Variants in DPP9 observed in about 807,000 individuals in gnomAD.
The protein encoded by DPP9 is dipeptidyl peptidase 9.
Under a neutral mutation model 110.7 loss-of-function variants are expected in DPP9, and 50 were observed. That is an observed-to-expected ratio of 0.45 (90% confidence interval 0.36 to 0.57). The LOEUF is 0.57. DPP9 is among the 20% of genes least tolerant of loss of function. The probability of loss-of-function intolerance (pLI) is 0.00; values close to 1 mark genes in which losing one functional copy is unlikely to be tolerated. For synonymous variants in DPP9, 561 were observed against 514.4 expected (o/e 1.09, Z -1.23); for missense variants, 1,022 against 1,217.9 (o/e 0.84, Z 2.39).
intron 4 of DPP9, among the ~76,000 whole-genome samples, chr19:4,713,569 C>T (rs1334239857): frequency 6.6e-6 from 1 of 152,228 alleles, no homozygotes. Flanking sequence ...TCACCGGCGG[C>T]AAACCAGGTT....
intron 3 of DPP9, chr19:4,716,022 T>C (rs1170698021): frequency 1.3e-5 from 2 of 152,248 alleles, no homozygotes; most frequent in African/African-American, 2.4e-5. Flanking sequence ...CTGGTCTCGC[T>C]TCCCTTTGTG....
intron 16 of DPP9, chr19:4,688,538 G>C (rs1052555230): frequency 7.5e-6 from 4 of 534,768 alleles, no homozygotes; most frequent in Middle Eastern, 4.9e-4. Flanking sequence ...TGTGCAGTCC[G>C]GCCCTTTACT....
intron 21 of DPP9, among the ~76,000 whole-genome samples, chr19:4,678,444 C>G (rs2089223734): frequency 6.6e-6 from 1 of 152,206 alleles, no homozygotes. Context: ...TGTTTGGCCC[C>G]AGCAGCCTTC....
Position 4,689,805 on chromosome 19 carries a change from C to T in DPP9, c.1597-83G>A, listed in dbSNP as rs1363515406. 7 of 1,398,272 alleles carry T rather than the reference C, an allele frequency of 5.0e-6. No individual in the cohort carries two copies. The South Asian group carries it at 7.2e-5, about 14-fold the overall frequency. The allele number at this position is 1,398,272 out of a possible 1,614,324, so 86.6% of individuals were successfully genotyped here. A position where few individuals can be genotyped will look rare whatever the true frequency, so the allele number is the denominator to read the frequency against. On this transcript the variant is annotated intron_variant, in intron 14 of 21. Coordinates refer to ENST00000262960, the MANE Select transcript of DPP9 (RefSeq NM_139159.5). The surrounding 1 kb of genome is among the most constrained non-coding windows in gnomAD (Gnocchi z 7.0). ...CTCTCCACGCCCCACAGGAGTGGGC[C>T]CCATGTTCCTCGGACTGGGGACGCA... is the stretch of plus-strand genomic sequence containing the variant.
In DPP9 at chr19:4,676,603, A is replaced by G; in HGVS notation, c.2640T>C (p.Tyr880=). 1 of 1,608,980 alleles carries G rather than the reference A, an allele frequency of 6.2e-7. No homozygotes were observed. The highest frequency in any genetic ancestry group is 8.5e-7 in the Non-Finnish European group (1 of 1,177,840). ...SIRCPESGEH[Y]EVTLLHFLQE... ...GTAGAAAGTGCAGCAACGTGACTTC[A>G]TAGTGCTCGCCCGACTCGGGGCAGC... is the stretch of plus-strand genomic sequence containing the variant. Residue 880 remains tyrosine (Y), a synonymous_variant, in exon 22 of 22, where the codon TAT becomes TAC. Transcript: ENST00000262960. The surrounding 1 kb of genome is among the most constrained non-coding windows in gnomAD (Gnocchi z 4.0).
intron 8 of DPP9, among the ~76,000 whole-genome samples, chr19:4,702,366 C>G (rs1320769132): frequency 6.6e-6 from 1 of 152,170 alleles, no homozygotes; most frequent in Non-Finnish European, 1.5e-5. Context: ...CAGAGCAGGG[C>G]TACTCCCAGC....
In DPP9 at chr19:4,683,457, C is replaced by A. The variant is rs749804022; in HGVS notation, c.2331+20G>T. ...GGGCAGGGAGGGGCGTGGCTGAGGC[C>A]GGCCAGGGGTGGGACCCACCTTGAA... On this transcript the variant is annotated intron_variant, in intron 19 of 21. Transcript: ENST00000262960. The A allele has an allele frequency of 1.3e-5, 21 of 1,611,860 alleles. No homozygotes were observed. The Admixed American group carries it at 1.3e-4, about 10-fold the overall frequency.
intron 13 of DPP9, among the ~76,000 whole-genome samples, chr19:4,691,826 T>C (rs1343437787): frequency 1.3e-5 from 2 of 150,958 alleles, no homozygotes. Context: ...TACAGGCACC[T>C]GCCACCATGC....
At position 4,706,330 on chromosome 19, in the gene DPP9, CA is replaced by C. The variant is rs59568017; in HGVS notation, c.314-361del. Among the ~76,000 whole-genome samples the C allele has an allele frequency of 6.2e-3, 656 of 105,648 alleles. 2 individuals carry two copies. Among genetic ancestry groups the C allele is most frequent in the South Asian group, 0.023 (77 of 3,290 alleles). 69.3% of individuals were successfully genotyped at this position (105,648 alleles called of 152,430 possible). A position where few individuals can be genotyped will look rare whatever the true frequency, so the allele number is the denominator to read the frequency against. ...TGGGCAACATAGCAAGGCCCCGTCT[CA>C]AAAAAAAAAAAAAGAATAAAATAAA... On this transcript the variant is annotated intron_variant, in intron 4 of 21. Coordinates refer to ENST00000262960, the MANE Select transcript of DPP9 (RefSeq NM_139159.5).
rs900592729 is a variant in DPP9, at chr19:4,694,507, C to T, written c.1516+154G>A. ...GTGCTCTAAGCCCTGCCAGATCATG[C>T]AGTCACTGGGGAAGGCTGGCTTCCT... On this transcript the variant is annotated intron_variant, in intron 13 of 21. Transcript: ENST00000262960. This position sits in a 1 kb window ranked among gnomAD's most constrained non-coding sequence, Gnocchi z 4.0. The T allele has an allele frequency of 2.0e-5, 18 of 919,514 alleles. No homozygotes were observed. The Admixed American group carries it at 4.7e-4, about 24-fold the overall frequency. 57.0% of individuals were successfully genotyped at this position (919,514 alleles called of 1,614,324 possible).
rs563503296 is a variant in DPP9, at chr19:4,706,025, C to T, written c.314-55G>A. ...GGTACCCTGGCTCAGGATGGGGAGA[C>T]GCCCTCAGCCTGCAGCTGGGCCCAG... is the stretch of plus-strand genomic sequence containing the variant. On this transcript the variant is annotated intron_variant, in intron 4 of 21. Coordinates refer to ENST00000262960, the MANE Select transcript of DPP9 (RefSeq NM_139159.5). 6.7e-5 allele frequency: 99 copies of T among 1,486,342 alleles called. No homozygotes were observed. In the South Asian group the frequency reaches 8.5e-4, roughly 13 times the overall value. 92.1% of individuals were successfully genotyped at this position (1,486,342 alleles called of 1,614,324 possible).
chr19:4,690,902 C>T lies in DPP9; in HGVS notation c.1572G>A (p.Glu524=). 1 of 1,613,340 alleles carries T rather than the reference C, an allele frequency of 6.2e-7. No homozygotes were observed. The highest frequency in any genetic ancestry group is 8.5e-7 in the Non-Finnish European group (1 of 1,179,680). Residue 524 remains glutamate (E), a synonymous_variant, in exon 14 of 22, where the codon GAG becomes GAA. Transcript: ENST00000262960. Reference sequence around the variant, plus strand: ...CCTTGGAGCCGTGCCTCGCCAAAACCTCCCATTCACCGCTGGTCAGAGCAA... The same window carrying T: ...CCTTGGAGCCGTGCCTCGCCAAAACTTCCCATTCACCGCTGGTCAGAGCAA... The part of the protein sequence containing the change: ...EEIALTSGEW[E]VLARHGSKIW...
At chr19:4,692,683 G>A (rs1199713599) in intron 13 of DPP9, among the ~76,000 whole-genome samples, 1 of 152,128 alleles carries the variant, frequency 6.6e-6, no homozygotes, top group African/African-American at 2.4e-5. Flanking sequence ...AGCTGCAGCT[G>A]GCTCCACTTG....
At position 4,710,094 on chromosome 19, in the gene DPP9, C is replaced by G. The variant is rs539964550; in HGVS notation, c.313+3987G>C. ...GTGGATTTCTGCTGCCCCATCCCTCCTCGGACCTCCCTCACCAGCTCTGCC... is the reference window on the plus strand; with the variant it reads ...GTGGATTTCTGCTGCCCCATCCCTCGTCGGACCTCCCTCACCAGCTCTGCC... On this transcript the variant is annotated intron_variant, in intron 4 of 21. Transcript: ENST00000262960. The surrounding 1 kb of genome is among the most constrained non-coding windows in gnomAD (Gnocchi z 5.6). 7.0e-3 allele frequency among the ~76,000 whole-genome samples: 1,059 copies of G among 152,356 alleles called. 12 individuals are homozygous for G. The highest frequency in any genetic ancestry group is 0.024 in the African/African-American group (996 of 41,588).
At chr19:4,722,621 C>T in intron 1 of DPP9, 70 bp from the exon 2 acceptor site, 1 of 699,762 alleles carries the variant, frequency 1.4e-6, no homozygotes, top group South Asian at 1.5e-5. Flanking sequence ...CAGCCTCCCC[C>T]ACTCAGGAGC....
At chr19:4,679,455 G>C in intron 21 of DPP9, 1 of 237,416 alleles carries the variant, frequency 4.2e-6, no homozygotes, top group Non-Finnish European at 8.4e-6. Context: ...CCTTAGGAAG[G>C]AGCCTGCTAG....
rs796541643 is a variant in DPP9, at chr19:4,704,403, C to G, written c.427-99G>C. ...TCGGGCTGGGGCATTCCCAGGGAATCTGACTTCGGGCCTCGCCAGAGAGAA... is the reference window on the plus strand; with the variant it reads ...TCGGGCTGGGGCATTCCCAGGGAATGTGACTTCGGGCCTCGCCAGAGAGAA... On this transcript the variant is annotated intron_variant, in intron 5 of 21. Transcript: ENST00000262960. The surrounding 1 kb of genome is among the most constrained non-coding windows in gnomAD (Gnocchi z 6.0). The G allele has an allele frequency of 1.2e-5, 17 of 1,423,052 alleles. No individual in the cohort carries two copies. The highest frequency in any genetic ancestry group is 1.5e-5 in the Non-Finnish European group (16 of 1,044,186). The allele number at this position is 1,423,052 out of a possible 1,614,324, so 88.2% of individuals were successfully genotyped here. A position where few individuals can be genotyped will look rare whatever the true frequency, so the allele number is the denominator to read the frequency against.
intron 4 of DPP9, 64 bp from the exon 5 acceptor site, chr19:4,706,034 C>G: frequency 6.9e-7 from 1 of 1,446,036 alleles, no homozygotes; most frequent in South Asian, 1.2e-5. Context: ...ACGCCCTCAG[C>G]CTGCAGCTGG....
intron 4 of DPP9, among the ~76,000 whole-genome samples, chr19:4,711,082 C>A (rs10416977): frequency 6.6e-6 from 1 of 152,060 alleles, no homozygotes; most frequent in Non-Finnish European, 1.5e-5. Context: ...GAATCCCAGG[C>A]GCTGTGGAGG....
Sources: allele counts gnomAD v4.1 joint callset (sites outside exome capture counted in the v4.1 genomes callset), GRCh38; gene constraint gnomAD v4.1.1; non-coding constraint Gnocchi (gnomAD v3.1); transcripts MANE v1.5; gene names NCBI Gene and HGNC (gene_info 2026-07-23, HGNC 2026-07-21).